Variants in TATDN1 observed in about 807,000 individuals in gnomAD.
TATDN1 encodes deoxyribonuclease TATDN1.
A neutral mutation model predicts 46.4 loss-of-function variants in TATDN1; 40 were observed. The ratio of observed to expected loss-of-function variants is 0.86; its 90% confidence interval spans 0.67 to 1.12. The LOEUF is 1.12. TATDN1 is among the 50% of genes most tolerant of loss of function. The pLI, the probability that TATDN1 is intolerant of heterozygous loss-of-function variation, is 0.00. For synonymous variants in TATDN1, 95 were observed against 105.6 expected (o/e 0.90, Z 0.62); for missense variants, 326 against 348.4 (o/e 0.94, Z 0.51).
intron 10 of TATDN1, chr8:124,494,863 C>G (rs951137243): frequency 6.6e-6 from 1 of 152,532 alleles, no homozygotes; most frequent in Non-Finnish European, 1.5e-5. Context: ...GCTAGGATTA[C>G]AGGCATGTGC....
chr8:124,514,842 G>T (rs1357819907), intron 6 of TATDN1, among the ~76,000 whole-genome samples: 3 of 152,124 alleles, frequency 2.0e-5, no homozygotes, highest in South Asian at 4.1e-4. Context: ...ATTCAACATG[G>T]CTCCTATTAA....
Position 124,528,590 on chromosome 8 carries a change from AAGG to A in TATDN1, c.23-5591_23-5589del, listed in dbSNP as rs1274371148. On this transcript the variant is annotated intron_variant, in intron 1 of 11. Coordinates refer to ENST00000276692, the MANE Select transcript of TATDN1 (RefSeq NM_032026.4). ...TTTATTATCTAGTACTACTTGAGCC[AAGG>A]AGTTTAGAGACTTTTGTTGAGCTAC... 2.6e-5 allele frequency among the ~76,000 whole-genome samples: 4 copies of A among 152,326 alleles called. No homozygotes were observed. The South Asian group carries it at 6.2e-4, about 24-fold the overall frequency.
chr8:124,496,424 C>T (rs986753767), intron 9 of TATDN1, among the ~76,000 whole-genome samples: 1 of 152,188 alleles, frequency 6.6e-6, no homozygotes, highest in Admixed American at 6.5e-5. Flanking sequence ...TATGCAATGA[C>T]ACGTATCTAC....
At chr8:124,508,553 G>A in intron 7 of TATDN1, 39 bp from the exon 8 acceptor site, 3 of 1,608,694 alleles carry the variant, frequency 1.9e-6, no homozygotes, top group Admixed American at 1.7e-5. Flanking sequence ...CAAATAGCTT[G>A]ATTTCTACAA....
chr8:124,518,396 C>T (rs1449502503), intron 4 of TATDN1, among the ~76,000 whole-genome samples: 5 of 150,852 alleles, frequency 3.3e-5, no homozygotes, highest in African/African-American at 9.8e-5. Context: ...TGGTGGCGGG[C>T]GCCTGTAGTC....
chr8:124,503,530 C>T (rs1360525775), intron 9 of TATDN1, among the ~76,000 whole-genome samples: 1 of 152,102 alleles, frequency 6.6e-6, no homozygotes, highest in Non-Finnish European at 1.5e-5. Flanking sequence ...ATACATAATT[C>T]CATGATTCTA....
chr8:124,511,474 G>A (rs1487659031), intron 6 of TATDN1, among the ~76,000 whole-genome samples: 1 of 152,092 alleles, frequency 6.6e-6, no homozygotes, highest in African/African-American at 2.4e-5. Context: ...ACATTTTAAA[G>A]CCCCAAGAAA....
intron 1 of TATDN1, among the ~76,000 whole-genome samples, chr8:124,534,108 T>G (rs1051100547): frequency 1.7e-5 from 2 of 115,426 alleles, no homozygotes; most frequent in African/African-American, 6.8e-5. Flanking sequence ...ACTGCACCAC[T>G]ACACTCCAGC....
chr8:124,518,999 A>C, intron 3 of TATDN1, 118 bp from the exon 4 acceptor site: 1 of 671,848 alleles, frequency 1.5e-6, no homozygotes, highest in Admixed American at 2.7e-5. Context: ...TGACTGCCAC[A>C]CACCTACCCT....
At chr8:124,538,987 T>A in intron 1 of TATDN1, 38 bp downstream of exon 1, 1 of 1,613,638 alleles carries the variant, frequency 6.2e-7, no homozygotes, top group Non-Finnish European at 8.5e-7. Flanking sequence ...CCGGGACAAG[T>A]CAGAAAGACC....
At chr8:124,504,449 G>C (rs1438589275) in intron 8 of TATDN1, 102 bp from the exon 9 acceptor site, 24 of 664,880 alleles carry the variant, frequency 3.6e-5, no homozygotes, top group Non-Finnish European at 5.3e-5. Context: ...ATCCCTGTAA[G>C]TTTTTGGACC....
Position 124,539,015 on chromosome 8 carries a change from C to T in TATDN1, c.22+10G>A. ...GAAAGACCCAAGGGCGTGGAAAACGCTCCTCTTACCGATAAACTTGAAGCG... is the reference window on the plus strand; with the variant it reads ...GAAAGACCCAAGGGCGTGGAAAACGTTCCTCTTACCGATAAACTTGAAGCG... On this transcript the variant is annotated intron_variant, in intron 1 of 11. Transcript: ENST00000276692. 1.2e-6 allele frequency: 2 copies of T among 1,614,178 alleles called. No homozygotes were observed. The highest frequency in any genetic ancestry group is 2.2e-5 in the South Asian group (2 of 91,086).
At position 124,496,530 on chromosome 8, in the gene TATDN1, C is replaced by T. The variant is rs562648535; in HGVS notation, c.594-988G>A. Among the ~76,000 whole-genome samples, 113 of 152,328 alleles carry T rather than the reference C, an allele frequency of 7.4e-4. 1 individual carries two copies. In the South Asian group the frequency reaches 0.021, roughly 29 times the overall value. On this transcript the variant is annotated intron_variant, in intron 9 of 11. Transcript: ENST00000276692. ...CTCTAACCCCTTATCTTTTGACAGT[C>T]TCCATAGTTTTGCCTTTTCCAGACT...
chr8:124,508,551 T>G, intron 7 of TATDN1, 37 bp from the exon 8 acceptor site: 2 of 1,609,634 alleles, frequency 1.2e-6, no homozygotes. Flanking sequence ...AGCAAATAGC[T>G]TGATTTCTAC....
intron 5 of TATDN1, 47 bp from the exon 6 acceptor site, chr8:124,515,835 A>G: frequency 1.9e-6 from 3 of 1,613,498 alleles, no homozygotes; most frequent in Non-Finnish European, 2.5e-6. Context: ...TATACAGAAC[A>G]AATTACTTAT....
At chr8:124,503,223 A>G (rs982156138) in intron 9 of TATDN1, among the ~76,000 whole-genome samples, 1 of 152,184 alleles carries the variant, frequency 6.6e-6, no homozygotes, top group Non-Finnish European at 1.5e-5. Flanking sequence ...TATAAGAACT[A>G]ATGTGCTCAT....
intron 1 of TATDN1, chr8:124,538,505 G>A (rs1405433953): frequency 6.3e-6 from 1 of 159,118 alleles, no homozygotes; most frequent in Admixed American, 6.0e-5. Flanking sequence ...CATTACTTGT[G>A]TTTTCTAGTT....
chr8:124,514,031 T>C (rs1819248854), intron 6 of TATDN1, among the ~76,000 whole-genome samples: 1 of 152,166 alleles, frequency 6.6e-6, no homozygotes, highest in Admixed American at 6.5e-5. Flanking sequence ...CAGCAAATAA[T>C]ATACCACAAA....
intron 6 of TATDN1, among the ~76,000 whole-genome samples, chr8:124,510,222 C>A (rs1818890983): frequency 6.6e-6 from 1 of 152,076 alleles, no homozygotes; most frequent in Non-Finnish European, 1.5e-5. Context: ...ATATTAACGA[C>A]AACTTGGACA....
Sources: allele counts gnomAD v4.1 joint callset (sites outside exome capture counted in the v4.1 genomes callset), GRCh38; gene constraint gnomAD v4.1.1; transcripts MANE v1.5; gene names NCBI Gene and HGNC (gene_info 2026-07-23, HGNC 2026-07-21).